Variants in SAMMSON observed in about 807,000 individuals in gnomAD.
The protein encoded by SAMMSON is survival associated mitochondrial melanoma specific oncogenic non-coding RNA, also known as long intergenic non-protein coding RNA 1212.
intron 3 of SAMMSON, among the ~76,000 whole-genome samples, chr3:70,031,559 A>G (rs557266874): frequency 5.5e-4 from 84 of 152,178 alleles, no homozygotes; most frequent in Admixed American, 8.5e-4. Flanking sequence ...AACACACAGG[A>G]GAGGGTGAAA....
At chr3:70,135,840 A>G (rs764336035) in intron 4 of SAMMSON, among the ~76,000 whole-genome samples, 3 of 151,414 alleles carry the variant, frequency 2.0e-5, no homozygotes, top group African/African-American at 4.9e-5. Flanking sequence ...TTACTATACC[A>G]TTTTTCTCCA....
intron 3 of SAMMSON, chr3:70,014,014 T>C (rs2066970055): frequency 6.6e-6 from 1 of 152,178 alleles, no homozygotes. Context: ...ACCTACAGGG[T>C]AGCGTTTGAA....
intron 2 of SAMMSON, among the ~76,000 whole-genome samples, chr3:70,412,319 G>T (rs991425036): frequency 6.6e-6 from 1 of 152,002 alleles, no homozygotes; most frequent in Non-Finnish European, 1.5e-5. Context: ...GAAATTATAT[G>T]CTTAATATTT....
At chr3:70,165,241 A>G (rs1313526544) in intron 4 of SAMMSON, among the ~76,000 whole-genome samples, 1 of 152,030 alleles carries the variant, frequency 6.6e-6, no homozygotes, top group Non-Finnish European at 1.5e-5. Flanking sequence ...GACTTGATGC[A>G]GACTTATCAG....
intron 3 of SAMMSON, among the ~76,000 whole-genome samples, chr3:70,051,134 C>CAA (rs71126477): frequency 5.5e-4 from 25 of 45,216 alleles, no homozygotes; most frequent in Non-Finnish European, 7.7e-4. Flanking sequence ...TACTCCATCT[C>CAA]AAAAAAAAAA....
At chr3:70,372,895 T>A (rs998408205) in intron 9 of SAMMSON, among the ~76,000 whole-genome samples, 1 of 152,158 alleles carries the variant, frequency 6.6e-6, no homozygotes, top group Non-Finnish European at 1.5e-5. Context: ...CCTATTCAAG[T>A]GAAATTTAGG....
chr3:70,352,079 A>G (rs1702798458), intron 7 of SAMMSON, among the ~76,000 whole-genome samples: 1 of 150,318 alleles, frequency 6.7e-6, no homozygotes, highest in South Asian at 2.1e-4. Flanking sequence ...AAAAGTAGTC[A>G]AAGAAATAAT....
At chr3:70,212,002 T>C (rs1559536213) in intron 4 of SAMMSON, among the ~76,000 whole-genome samples, 1 of 151,952 alleles carries the variant, frequency 6.6e-6, no homozygotes, top group East Asian at 1.9e-4. Flanking sequence ...TCCTTCCATG[T>C]ATTTTTTCCT....
At chr3:70,351,194 C>T (rs962688294) in intron 7 of SAMMSON, among the ~76,000 whole-genome samples, 1 of 151,986 alleles carries the variant, frequency 6.6e-6, no homozygotes, top group Non-Finnish European at 1.5e-5. Flanking sequence ...AGGTGTAGTT[C>T]ATGTTAACCA....
At chr3:70,308,795 C>T (rs1702428822) in intron 7 of SAMMSON, among the ~76,000 whole-genome samples, 1 of 152,086 alleles carries the variant, frequency 6.6e-6, no homozygotes, top group Admixed American at 6.6e-5. Context: ...AATAGCAGTA[C>T]TCAGAATGGT....
At chr3:70,047,122 A>G (rs2067129670) in intron 3 of SAMMSON, among the ~76,000 whole-genome samples, 1 of 152,162 alleles carries the variant, frequency 6.6e-6, no homozygotes, top group South Asian at 2.1e-4. Context: ...GAATGTTAAC[A>G]GTAATAGCAG....
intron 3 of SAMMSON, among the ~76,000 whole-genome samples, chr3:70,041,724 G>T (rs1159324327): frequency 6.6e-6 from 1 of 152,020 alleles, no homozygotes; most frequent in African/African-American, 2.4e-5. Context: ...ATTGTATTAG[G>T]TGTTATTAGT....
intron 7 of SAMMSON, among the ~76,000 whole-genome samples, chr3:70,343,108 A>T (rs920493251): frequency 6.6e-6 from 1 of 152,098 alleles, no homozygotes; most frequent in African/African-American, 2.4e-5. Flanking sequence ...ATTGCTTTAG[A>T]TTTACAGAAA....
At chr3:70,138,560 T>C (rs534176458) in intron 4 of SAMMSON, among the ~76,000 whole-genome samples, 1 of 152,374 alleles carries the variant, frequency 6.6e-6, no homozygotes, top group African/African-American at 2.4e-5. Context: ...AATTTTAATA[T>C]ATGAAATCAT....
At chr3:70,369,761 T>G (rs889146837) in intron 9 of SAMMSON, among the ~76,000 whole-genome samples, 1 of 151,864 alleles carries the variant, frequency 6.6e-6, no homozygotes, top group African/African-American at 2.4e-5. Context: ...AACAAACCAG[T>G]CAGGGTGTTT....
chr3:70,220,846 C>T (rs555374361), intron 4 of SAMMSON, among the ~76,000 whole-genome samples: 1 of 152,270 alleles, frequency 6.6e-6, no homozygotes, highest in Non-Finnish European at 1.5e-5. Flanking sequence ...GCTTCCATGA[C>T]ATTCAGTTGT....
At chr3:70,061,784 C>T (rs1354820777) in intron 3 of SAMMSON, among the ~76,000 whole-genome samples, 1 of 152,154 alleles carries the variant, frequency 6.6e-6, no homozygotes, top group Non-Finnish European at 1.5e-5. Context: ...ATGCCTTCAG[C>T]ATCTCTGGTT....
intron 9 of SAMMSON, among the ~76,000 whole-genome samples, chr3:70,374,585 C>A (rs1702996460): frequency 6.6e-6 from 1 of 151,938 alleles, no homozygotes; most frequent in Non-Finnish European, 1.5e-5. Flanking sequence ...ATAATACTGC[C>A]TTGGTTGGGA....
intron 4 of SAMMSON, among the ~76,000 whole-genome samples, chr3:70,158,554 A>G (rs1019169909): frequency 1.3e-5 from 2 of 151,202 alleles, no homozygotes; most frequent in Admixed American, 1.3e-4. Context: ...TTTTTTTTTT[A>G]ATGCAAACAA....
Sources: allele counts gnomAD v4.1 joint callset (sites outside exome capture counted in the v4.1 genomes callset), GRCh38; gene constraint gnomAD v4.1.1; transcripts MANE v1.5; gene names NCBI Gene and HGNC (gene_info 2026-07-23, HGNC 2026-07-21).